The following VPS41 variants were observed in gnomAD, a reference collection of about 807,000 sequenced individuals.
VPS41 encodes the protein vacuolar protein sorting-associated protein 41 homolog.
In VPS41, 85 loss-of-function variants were observed where a neutral mutation model predicts 130.9. The observed-to-expected ratio is 0.65, with a 90% confidence interval of 0.55 to 0.78. The LOEUF is 0.78. Ranked by LOEUF, VPS41 falls within the 30% of genes least tolerant of loss-of-function variation. The probability of loss-of-function intolerance (pLI) is 0.00; values close to 1 mark genes in which losing one functional copy is unlikely to be tolerated. For synonymous variants in VPS41, 335 were observed against 332.9 expected (o/e 1.01, Z -0.07); for missense variants, 874 against 1,018.7 (o/e 0.86, Z 1.93).
rs1258418751 is a variant in VPS41 at position 38,869,213 on chromosome 7, C to T, written c.101G>A (p.Arg34Lys). 6.2e-7 allele frequency: 1 copy of T among 1,612,726 alleles called. No homozygotes were observed. Residue 34 changes from arginine (R) to lysine (K), a missense_variant, in exon 3 of 29, where the codon AGG becomes AAG. Arg to Lys is a conservative substitution (Grantham distance 26). Transcript: ENST00000310301. ...SEEEPKLKYE[R>K]LSNGVTEILQ... ...TATTTCAGTTACCCCATTGGAAAGCCTTTCATACTTCAGCTTGGGTTCCTC... is the reference window on the plus strand; with the variant it reads ...TATTTCAGTTACCCCATTGGAAAGCTTTTCATACTTCAGCTTGGGTTCCTC...
At chr7:38,790,819 C>T (rs148257622) in intron 9 of VPS41, among the ~76,000 whole-genome samples, 30 of 152,256 alleles carry the variant, frequency 2.0e-4, no homozygotes, top group Middle Eastern at 3.4e-3. Flanking sequence ...TTAATCAACC[C>T]CCTTTGGGGG....
intron 5 of VPS41, among the ~76,000 whole-genome samples, chr7:38,827,725 T>C (rs1785308574): frequency 2.6e-5 from 4 of 152,190 alleles, no homozygotes; most frequent in Non-Finnish European, 2.9e-5. Flanking sequence ...CTAAGCGATA[T>C]TGCCTTCAGC....
At chr7:38,759,328 A>C (rs1423297480) in intron 17 of VPS41, among the ~76,000 whole-genome samples, 1 of 152,210 alleles carries the variant, frequency 6.6e-6, no homozygotes, top group Non-Finnish European at 1.5e-5. Context: ...GGAAAAACCC[A>C]GATATTTGGT....
chr7:38,774,188 A>C lies in VPS41; in HGVS notation c.939T>G (p.Thr313=). The change falls in exon 12 of 29, where the codon ACT becomes ACG. Residue 313 remains threonine (T), a synonymous_variant. Coordinates refer to ENST00000310301, the MANE Select transcript of VPS41 (RefSeq NM_014396.4). ...RLDIIQPLSE[T]CEEISSDALT... is the part of the protein sequence containing the mutation. Reference sequence around the variant, plus strand: ...AAGCATCAGAAGAGATCTCTTCACAAGTCTCAGAAAGTGGCTGGATGATGT... The same window carrying C: ...AAGCATCAGAAGAGATCTCTTCACACGTCTCAGAAAGTGGCTGGATGATGT... The C allele has an allele frequency of 1.2e-6, 2 of 1,609,814 alleles. No individual in the cohort carries two copies. The highest frequency in any genetic ancestry group is 1.7e-6 in the Non-Finnish European group (2 of 1,176,850).
At chr7:38,882,692 C>T (rs1160840434) in intron 2 of VPS41, among the ~76,000 whole-genome samples, 1 of 152,184 alleles carries the variant, frequency 6.6e-6, no homozygotes, top group Non-Finnish European at 1.5e-5. Context: ...TTACAGCAAC[C>T]CCATCATTCC....
intron 7 of VPS41, among the ~76,000 whole-genome samples, chr7:38,806,860 C>G (rs1158498805): frequency 1.3e-5 from 2 of 152,306 alleles, no homozygotes; most frequent in Non-Finnish European, 2.9e-5. Flanking sequence ...CAGCAGGGCT[C>G]TGATGTTCTC....
intron 6 of VPS41, among the ~76,000 whole-genome samples, chr7:38,819,471 T>G (rs1785126177): frequency 6.6e-6 from 1 of 152,248 alleles, no homozygotes; most frequent in African/African-American, 2.4e-5. Context: ...ACTAAATTTC[T>G]TTAAAGAAGA....
At chr7:38,866,282 A>G (rs1007299493) in intron 3 of VPS41, among the ~76,000 whole-genome samples, 2 of 152,244 alleles carry the variant, frequency 1.3e-5, no homozygotes, top group African/African-American at 4.8e-5. Context: ...AAATCATACA[A>G]GAGTTTTAAT....
At chr7:38,761,637 G>A (rs1783924438) in intron 17 of VPS41, among the ~76,000 whole-genome samples, 2 of 151,864 alleles carry the variant, frequency 1.3e-5, no homozygotes, top group Admixed American at 1.3e-4. Flanking sequence ...CGTCACCTAA[G>A]CTGGAGTGCA....
rs539698552 is a variant in VPS41, at chr7:38,859,686, T to A, written c.246+2859A>T. ...AGGTCTGTGTAAGTAGAGGCTATGA[T>A]GTCTGCACAATGACAAAATTGCCTA... On this transcript the variant is annotated intron_variant, in intron 4 of 28. Coordinates refer to ENST00000310301, the MANE Select transcript of VPS41 (RefSeq NM_014396.4). Among the ~76,000 whole-genome samples the A allele has an allele frequency of 2.0e-4, 31 of 152,316 alleles. No individual in the cohort carries two copies. In the South Asian group the frequency reaches 6.4e-3, roughly 32 times the overall value.
chr7:38,838,982 G>T (rs1785553092), intron 4 of VPS41, among the ~76,000 whole-genome samples: 1 of 152,120 alleles, frequency 6.6e-6, no homozygotes, highest in Non-Finnish European at 1.5e-5. Context: ...AATTTGTAAG[G>T]CTCCTCTGAC....
chr7:38,771,205 TTA>T lies in VPS41; in HGVS notation c.1176_1177del (p.His392GlnfsTer20), dbSNP rs778013505. 54 of 1,597,800 alleles carry T rather than the reference TTA, an allele frequency of 3.4e-5. No individual in the cohort carries two copies. The highest frequency in any genetic ancestry group is 4.2e-5 in the Non-Finnish European group (49 of 1,170,162). On this transcript the variant is annotated frameshift_variant, in exon 14 of 29. Transcript: ENST00000310301. LOFTEE classifies it high-confidence loss of function. The stretch of plus-strand genomic sequence containing the variant: ...AACAAATTGCACACTTACCAGAATC[TTA>T]TGTCTTTTAATATTTTTTTGGCTAA...
chr7:38,756,213 T>TACACACACACACACACAC (rs3839727), intron 19 of VPS41, among the ~76,000 whole-genome samples: 1 of 146,556 alleles, frequency 6.8e-6, no homozygotes, highest in South Asian at 2.3e-4. Flanking sequence ...AGATTTCTTT[T>TACACACACACACACACAC]ACACACACAC....
intron 17 of VPS41, among the ~76,000 whole-genome samples, chr7:38,763,186 T>C (rs1433002381): frequency 1.3e-5 from 2 of 152,210 alleles, no homozygotes; most frequent in Non-Finnish European, 2.9e-5. Context: ...ATTGTATTTA[T>C]GAAATCTACA....
In VPS41 at chr7:38,758,378, G is replaced by A. The variant is rs1783846311; in HGVS notation, c.1526C>T (p.Thr509Ile). Residue 509 changes from threonine (T) to isoleucine (I), a missense_variant, in exon 18 of 29, where the codon ACT (threonine) becomes ATT (isoleucine). By Grantham distance (89) the Thr-to-Ile change is moderately conservative. Transcript: ENST00000310301. ...CAATTCTGCCAGGGTTTTAAGTAAA[G>A]TCTTGTTCTGACTATCTTTCTTCAA... ...DHLKKDSQNK[T>I]LLKTLAELYT... The A allele has an allele frequency of 6.2e-7, 1 of 1,612,806 alleles. No individual in the cohort carries two copies. Among genetic ancestry groups the A allele is most frequent in the Non-Finnish European group, 8.5e-7 (1 of 1,179,520 alleles).
Position 38,869,166 on chromosome 7 carries a change from A to AG in VPS41, c.147dup (p.Cys50LeufsTer6), listed in dbSNP as rs1272027574. The AG allele has an allele frequency of 6.2e-7, 1 of 1,605,182 alleles. No individual in the cohort carries two copies. Among genetic ancestry groups the AG allele is most frequent in the Non-Finnish European group, 8.5e-7 (1 of 1,175,016 alleles). On this transcript the variant is annotated frameshift_variant, in exon 3 of 29. Coordinates refer to ENST00000310301, the MANE Select transcript of VPS41 (RefSeq NM_014396.4). LOFTEE classifies it high-confidence loss of function. Reference sequence around the variant, plus strand: ...CTTACCTTGTCATGGACTGTCATGCAGCTAGCTGCATCCTTCTGAAGTATT... The same window carrying AG: ...CTTACCTTGTCATGGACTGTCATGCAGGCTAGCTGCATCCTTCTGAAGTATT...
intron 25 of VPS41, among the ~76,000 whole-genome samples, chr7:38,729,632 A>AG (rs1400500921): frequency 1.3e-5 from 2 of 152,152 alleles, no homozygotes; most frequent in Non-Finnish European, 2.9e-5. Context: ...GAATGACAAG[A>AG]GACATCACAA....
intron 5 of VPS41, 114 bp from the exon 6 acceptor site, chr7:38,821,379 C>G: frequency 1.4e-6 from 1 of 729,400 alleles, no homozygotes; most frequent in South Asian, 1.8e-5. Context: ...AATTTTAAGG[C>G]CCCGTGACCT....
At chr7:38,899,412 C>T (rs1787093257) in intron 1 of VPS41, among the ~76,000 whole-genome samples, 1 of 152,214 alleles carries the variant, frequency 6.6e-6, no homozygotes, top group South Asian at 2.1e-4. Flanking sequence ...TATTGCACTA[C>T]ATGATAGCTG....
Sources: allele counts gnomAD v4.1 joint callset (sites outside exome capture counted in the v4.1 genomes callset), GRCh38; gene constraint gnomAD v4.1.1; transcripts MANE v1.5; gene names NCBI Gene and HGNC (gene_info 2026-07-23, HGNC 2026-07-21).